RASA3: variants seen among roughly 807,000 people sequenced by gnomAD.
RASA3 encodes RAS p21 protein activator 3, also known as ras GTPase-activating protein 3.
Under a neutral mutation model 110.0 loss-of-function variants are expected in RASA3, and 73 were observed. That is an observed-to-expected ratio of 0.66 (90% CI 0.55 to 0.81). RASA3 has a LOEUF of 0.81. Ranked by LOEUF, RASA3 falls within the 30% of genes least tolerant of loss-of-function variation. The pLI is 0.00. For synonymous variants in RASA3, 500 were observed against 451.4 expected (o/e 1.11, Z -1.37); for missense variants, 976 against 1,113.2 (o/e 0.88, Z 1.75).
chr13:114,061,514 CAAAA>C (rs11297076), intron 2 of RASA3, among the ~76,000 whole-genome samples: 1 of 137,404 alleles, frequency 7.3e-6, no homozygotes, highest in Admixed American at 7.2e-5. Context: ...ACTAAAAATA[CAAAA>C]AAAAAAAAAA....
intron 1 of RASA3, among the ~76,000 whole-genome samples, chr13:114,103,459 C>T (rs1348936245): frequency 4.6e-5 from 7 of 152,042 alleles, no homozygotes; most frequent in African/African-American, 1.7e-4. Context: ...ACGGGGGACA[C>T]AGAACCAAGC....
At position 114,018,176 on chromosome 13, in the gene RASA3, C is replaced by T. The variant is rs757728151; in HGVS notation, c.1019G>A (p.Arg340Gln). 2.0e-5 allele frequency: 31 copies of T among 1,551,414 alleles called. No homozygotes were observed. Among genetic ancestry groups the T allele is most frequent in the Admixed American group, 2.0e-4 (10 of 51,192 alleles). ...CACCCTGCCATAGTGTAGGAAGAGC[C>T]GCACCAGCGGGACGGCCGCCTCCTG... ...EKQEAAVPLV[R>Q]LFLHYGRVVP... Residue 340 changes from arginine to glutamine, a missense_variant, in exon 11 of 24, where the codon CGG becomes CAG. Transcript: ENST00000334062.
chr13:114,121,463 G>A (rs2080376222), intron 1 of RASA3, among the ~76,000 whole-genome samples: 1 of 152,184 alleles, frequency 6.6e-6, no homozygotes, highest in Non-Finnish European at 1.5e-5. Flanking sequence ...GCCCACCGGA[G>A]CCTCCCTTAC....
At chr13:114,013,091 C>T (rs576705936) in intron 15 of RASA3, 51 bp downstream of exon 15, 33 of 1,512,066 alleles carry the variant, frequency 2.2e-5, no homozygotes, top group South Asian at 1.7e-4. Flanking sequence ...CAACCCAGGC[C>T]GGCGTCGCAG....
chr13:114,039,144 C>T (rs1363872357), intron 4 of RASA3, among the ~76,000 whole-genome samples: 1 of 152,262 alleles, frequency 6.6e-6, no homozygotes, highest in Non-Finnish European at 1.5e-5. Flanking sequence ...ACTCTGCACT[C>T]AGACACACAC....
intron 2 of RASA3, among the ~76,000 whole-genome samples, chr13:114,060,629 C>A (rs999252570): frequency 6.6e-6 from 1 of 152,238 alleles, no homozygotes; most frequent in African/African-American, 2.4e-5. Context: ...AGGGCCAGGA[C>A]CGGACACGCC....
At position 114,015,210 on chromosome 13, in the gene RASA3, C is replaced by G; in HGVS notation, c.1404G>C (p.Gln468His). Reference protein sequence around the residue: ...SLREAAAKRFQDDPDVRYTAV... With the variant: ...SLREAAAKRFHDDPDVRYTAV... ...CATGAGGGTGTTCAGGGCACTCACC[C>G]TGGAAGCGCTTGGCCGCCGCCTCCC... Residue 468 changes from glutamine (Q) to histidine (H), a missense_variant and splice_region_variant, in exon 14 of 24, where the codon CAG becomes CAC. Physicochemically the swap from Gln to His is conservative, Grantham distance 24 (BLOSUM62 0). Transcript: ENST00000334062. 1 of 1,612,960 alleles carries G rather than the reference C, an allele frequency of 6.2e-7. No individual in the cohort carries two copies. Among genetic ancestry groups the G allele is most frequent in the South Asian group, 1.1e-5 (1 of 91,078 alleles).
In RASA3 at chr13:114,048,819, C is replaced by G. The variant is rs960927066; in HGVS notation, c.277+3233G>C. ...GCCCGGGACCCGCCGACACTGGACA[C>G]TTCTCCTGCTCCTGCTGTGGCGGGA... On this transcript the variant is annotated intron_variant, in intron 3 of 23. Coordinates refer to ENST00000334062, the MANE Select transcript of RASA3 (RefSeq NM_007368.4). The surrounding 1 kb of genome is among the most constrained non-coding windows in gnomAD (Gnocchi z 4.3). Among the ~76,000 whole-genome samples the G allele has an allele frequency of 2.6e-5, 4 of 151,906 alleles. No individual in the cohort carries two copies. Among genetic ancestry groups the G allele is most frequent in the Non-Finnish European group, 4.4e-5 (3 of 67,986 alleles).
chr13:113,999,369 G>A (rs148681442), intron 20 of RASA3, among the ~76,000 whole-genome samples: 2 of 152,172 alleles, frequency 1.3e-5, no homozygotes, highest in African/African-American at 2.4e-5. Context: ...ACCCCACCCC[G>A]GTGACCCCGG....
chr13:113,996,844 G>A (rs1207876561), intron 20 of RASA3, 105 bp from the exon 21 acceptor site: 7 of 1,003,636 alleles, frequency 7.0e-6, no homozygotes, highest in Non-Finnish European at 1.1e-5. Context: ...TCGTAAGAGG[G>A]GACGCTGAGG....
intron 9 of RASA3, among the ~76,000 whole-genome samples, chr13:114,020,319 C>G (rs574309254): frequency 3.4e-4 from 51 of 152,140 alleles, no homozygotes; most frequent in Non-Finnish European, 7.2e-4. Context: ...CCCCCATCGC[C>G]CCAGGTAGGT....
intron 1 of RASA3, among the ~76,000 whole-genome samples, chr13:114,119,145 A>G (rs2080332584): frequency 6.6e-6 from 1 of 151,874 alleles, no homozygotes; most frequent in Non-Finnish European, 1.5e-5. Context: ...TAAAGAAAAC[A>G]CAGAAATACA....
At chr13:114,013,694 GTCTC>G (rs66726231) in intron 14 of RASA3, among the ~76,000 whole-genome samples, 10 of 78,782 alleles carry the variant, frequency 1.3e-4, no homozygotes, top group Non-Finnish European at 1.7e-4. Flanking sequence ...CCCTATCTCT[GTCTC>G]TCTCTCTCTC....
chr13:114,034,071 C>T (rs539890247), intron 4 of RASA3, among the ~76,000 whole-genome samples: 4 of 152,106 alleles, frequency 2.6e-5, no homozygotes, highest in Non-Finnish European at 5.9e-5. Context: ...AAGGAGTGCC[C>T]TGAACACCAG....
At chr13:114,015,119 A>C in intron 14 of RASA3, 90 bp downstream of exon 14, 1 of 1,543,384 alleles carries the variant, frequency 6.5e-7, no homozygotes, top group Non-Finnish European at 8.8e-7. Context: ...TAGTCTAGCC[A>C]GGGCTGCGGG....
At chr13:114,047,202 C>CTT (rs2079067150) in intron 3 of RASA3, among the ~76,000 whole-genome samples, 1 of 152,152 alleles carries the variant, frequency 6.6e-6, no homozygotes, top group Admixed American at 6.5e-5. Flanking sequence ...ATACAGGGAA[C>CTT]TTTAAAAAGT....
rs1249400894 is a variant in RASA3, at chr13:114,114,080, CAAGT to C, written c.55+18351_55+18354del. 2.0e-5 allele frequency among the ~76,000 whole-genome samples: 3 copies of C among 152,214 alleles called. No homozygotes were observed. The highest frequency in any genetic ancestry group is 4.8e-5 in the African/African-American group (2 of 41,452). On this transcript the variant is annotated intron_variant, in intron 1 of 23. Transcript: ENST00000334062. This position sits in a 1 kb window ranked among gnomAD's most constrained non-coding sequence, Gnocchi z 4.8. ...GCATCCATCAATCCACCCACCACAG[CAAGT>C]GTCTGCGATGTCTGTAGTGTCTGCG...
At chr13:114,021,302 G>T in intron 9 of RASA3, 102 bp downstream of exon 9, 3 of 1,016,866 alleles carry the variant, frequency 3.0e-6, no homozygotes, top group Non-Finnish European at 4.5e-6. Context: ...GGGCACAGCC[G>T]AGGACCAGCA....
At chr13:114,013,878 A>C (rs1249329524) in intron 14 of RASA3, among the ~76,000 whole-genome samples, 1,555 of 27,822 alleles carry the variant, frequency 0.056, 2 homozygotes, top group Middle Eastern at 0.2. Flanking sequence ...CTCTCTCCCT[A>C]TCTCTGTCTC....
Sources: allele counts gnomAD v4.1 joint callset (sites outside exome capture counted in the v4.1 genomes callset), GRCh38; gene constraint gnomAD v4.1.1; non-coding constraint Gnocchi (gnomAD v3.1); transcripts MANE v1.5; gene names NCBI Gene and HGNC (gene_info 2026-07-23, HGNC 2026-07-21).